The following G3BP2 variants were observed in gnomAD, a reference collection of about 807,000 sequenced individuals.
G3BP2 encodes the protein ras GTPase-activating protein-binding protein 2.
In G3BP2, 11 loss-of-function variants were observed where a neutral mutation model predicts 56.7. The ratio of observed to expected loss-of-function variants is 0.19; its 90% confidence interval spans 0.12 to 0.32. G3BP2 has a LOEUF of 0.32. Ranked by LOEUF, G3BP2 falls within the 10% of genes least tolerant of loss-of-function variation. The probability of loss-of-function intolerance (pLI) is 1.00; values close to 1 mark genes in which losing one functional copy is unlikely to be tolerated. For missense variants in G3BP2, 340 were observed against 610.9 expected (o/e 0.56, Z 4.67); for synonymous variants, 165 against 191.6 (o/e 0.86, Z 1.15).
rs2148938275 is a variant in G3BP2, at chr4:75,645,531, C to T, written c.1348G>A (p.Asp450Asn). The change falls in exon 12 of 12, where the codon GAT (aspartate) becomes AAT (asparagine). Residue 450 changes from aspartate to asparagine, a missense_variant. Around this residue, in one of 4 missense-constraint regions of G3BP2, gnomAD observed 94 missense variants for 173.8 expected, o/e 0.54. Transcript: ENST00000359707. ...CCCCTTGGAGGAGGTCCTCTTCCAT[C>T]ACGATCACGCATCATTCCACCACCC... ...IVGGGMMRDR[D>N]GRGPPPRGGM... is the part of the protein sequence containing the mutation. 7 of 1,614,070 alleles carry T rather than the reference C, an allele frequency of 4.3e-6. No homozygotes were observed. Among genetic ancestry groups the T allele is most frequent in the Non-Finnish European group, 5.9e-6 (7 of 1,180,008 alleles).
chr4:75,655,017 C>A, intron 7 of G3BP2, 49 bp downstream of exon 7: 2 of 1,299,140 alleles, frequency 1.5e-6, no homozygotes, highest in Non-Finnish European at 2.2e-6. Context: ...TTAACAGCAC[C>A]AAATTTGAAC....
chr4:75,688,347 T>A (rs1347709031), intron 3 of G3BP2, among the ~76,000 whole-genome samples: 1 of 152,192 alleles, frequency 6.6e-6, no homozygotes, highest in African/African-American at 2.4e-5. Flanking sequence ...CCGGCCCCCA[T>A]TAAGATTGAT....
intron 1 of G3BP2, among the ~76,000 whole-genome samples, chr4:75,670,723 G>A (rs1281711681): frequency 1.3e-5 from 2 of 151,976 alleles, no homozygotes; most frequent in African/African-American, 2.4e-5. Flanking sequence ...GATGTTTAGA[G>A]AGCCTAAGGA....
intron 3 of G3BP2, among the ~76,000 whole-genome samples, chr4:75,679,707 T>C (rs1734001910): frequency 6.6e-6 from 1 of 152,136 alleles, no homozygotes; most frequent in Non-Finnish European, 1.5e-5. Context: ...TTAGAGGCAA[T>C]AGTCTCATAA....
At chr4:75,693,018 G>A (rs1481004800) in intron 3 of G3BP2, among the ~76,000 whole-genome samples, 1 of 152,152 alleles carries the variant, frequency 6.6e-6, no homozygotes, top group Non-Finnish European at 1.5e-5. Flanking sequence ...AGGCCAAGGC[G>A]GGTGGATCAC....
At chr4:75,715,922 A>G (rs964321301) in intron 3 of G3BP2, among the ~76,000 whole-genome samples, 1 of 152,238 alleles carries the variant, frequency 6.6e-6, no homozygotes, top group Non-Finnish European at 1.5e-5. Context: ...CCCAGATACT[A>G]GAACGAGACC....
At position 75,679,794 on chromosome 4, in the gene G3BP2, C is replaced by T. The variant is rs1485831884; in HGVS notation, c.-24-17745G>A. ...TGAATTTGTGAATTCTAACGGATTC[C>T]ATTTAACACTCTTGAAGCCATGATG... On this transcript the variant is annotated intron_variant, in intron 3 of 3. Coordinates refer to the G3BP2 transcript ENST00000499709. Among the ~76,000 whole-genome samples, 3 of 152,214 alleles carry T rather than the reference C, an allele frequency of 2.0e-5. No individual in the cohort carries two copies. The East Asian group carries it at 5.8e-4, about 29-fold the overall frequency.
At chr4:75,672,117 A>C (rs1009898516) in intron 1 of G3BP2, among the ~76,000 whole-genome samples, 2 of 152,208 alleles carry the variant, frequency 1.3e-5, no homozygotes, top group African/African-American at 4.8e-5. Flanking sequence ...ACAATCATAC[A>C]GGGAGAACAG....
intron 7 of G3BP2, 136 bp downstream of exon 7, chr4:75,654,930 C>T (rs1042453881): frequency 1.6e-6 from 1 of 643,384 alleles, no homozygotes; most frequent in Non-Finnish European, 2.6e-6. Context: ...AGGTAACAAA[C>T]AAACCCCACA....
At chr4:75,719,279 C>T (rs1475611717) in intron 3 of G3BP2, among the ~76,000 whole-genome samples, 1 of 136,420 alleles carries the variant, frequency 7.3e-6, no homozygotes, top group Non-Finnish European at 1.5e-5. Context: ...ACCCGGGAGG[C>T]GGAGCTTGCA....
chr4:75,665,230 T>C (rs745469316), intron 1 of G3BP2, among the ~76,000 whole-genome samples: 1 of 152,180 alleles, frequency 6.6e-6, no homozygotes, highest in Non-Finnish European at 1.5e-5. Context: ...CAACAAACTA[T>C]CCCTCCTCTA....
intron 3 of G3BP2, chr4:75,694,731 T>A: frequency 1.0e-6 from 1 of 972,130 alleles, no homozygotes; most frequent in Non-Finnish European, 1.2e-6. Flanking sequence ...AGAGCGAGAC[T>A]CTGTCTCGAA....
intron 3 of G3BP2, among the ~76,000 whole-genome samples, chr4:75,707,648 T>C (rs1318145848): frequency 6.6e-6 from 1 of 151,828 alleles, no homozygotes; most frequent in East Asian, 1.9e-4. Context: ...AAGTTTTTGC[T>C]ATAAAGGATC....
chr4:75,722,015 G>A (rs1482433750), intron 2 of G3BP2, among the ~76,000 whole-genome samples: 2 of 152,040 alleles, frequency 1.3e-5, no homozygotes, highest in Non-Finnish European at 2.9e-5. Flanking sequence ...TAGTTCCTGA[G>A]CATCTACCAT....
rs1719259466 is a variant in G3BP2 at position 75,699,603 on chromosome 4, T to C, written c.-25+21274A>G. Among the ~76,000 whole-genome samples, 3 of 152,228 alleles carry C rather than the reference T, an allele frequency of 2.0e-5. No homozygotes were observed. The South Asian group carries it at 6.2e-4, about 31-fold the overall frequency. ...GTAACACTGGCCTTGTTACATGTCT[T>C]GTAAAGTGTTTATTAGATTTGATTC... On this transcript the variant is annotated intron_variant, in intron 3 of 3. Transcript: ENST00000499709.
chr4:75,681,345 T>TAAAC (rs1560411027), intron 3 of G3BP2, among the ~76,000 whole-genome samples: 2 of 150,982 alleles, frequency 1.3e-5, no homozygotes, highest in Non-Finnish European at 1.5e-5. Flanking sequence ...AATAAATAAA[T>TAAAC]ATAGTCAAAT....
intron 1 of G3BP2, among the ~76,000 whole-genome samples, chr4:75,662,855 C>CA (rs1343634406): frequency 1.3e-5 from 2 of 152,154 alleles, no homozygotes; most frequent in African/African-American, 4.8e-5. Context: ...GGAAGCAAGA[C>CA]AGAGGGCCCA....
intron 1 of G3BP2, among the ~76,000 whole-genome samples, chr4:75,666,097 T>C (rs1241648079): frequency 2.0e-5 from 3 of 152,156 alleles, no homozygotes; most frequent in African/African-American, 4.8e-5. Flanking sequence ...AATACATATA[T>C]AATATCACAG....
chr4:75,718,429 C>A (rs1406108643), intron 3 of G3BP2, among the ~76,000 whole-genome samples: 1 of 152,090 alleles, frequency 6.6e-6, no homozygotes, highest in Non-Finnish European at 1.5e-5. Flanking sequence ...AGAGGCAGAA[C>A]TTATGCTAGC....
Sources: allele counts gnomAD v4.1 joint callset (sites outside exome capture counted in the v4.1 genomes callset), GRCh38; gene constraint gnomAD v4.1.1; regional missense constraint gnomAD v4.1.1; transcripts MANE v1.5; gene names NCBI Gene and HGNC (gene_info 2026-07-23, HGNC 2026-07-21).